Variants in KNTC1 observed in about 807,000 individuals in gnomAD.
KNTC1 encodes the protein kinetochore associated 1, also known as kinetochore-associated protein 1.
In KNTC1, 253 loss-of-function variants were observed where a neutral mutation model predicts 314.4. That is an observed-to-expected ratio of 0.80 (90% CI 0.73 to 0.89). KNTC1 has a LOEUF of 0.89. Ranked by LOEUF, KNTC1 falls within the 40% of genes least tolerant of loss-of-function variation. The probability of loss-of-function intolerance (pLI) is 0.00; values close to 1 mark genes in which losing one functional copy is unlikely to be tolerated. For missense variants in KNTC1, 2,475 were observed against 2,572.9 expected, an observed-to-expected ratio of 0.96 and a Z score of 0.82; for synonymous variants, 901 against 901.4, an observed-to-expected ratio of 1.00 and a Z score of 0.01.
chr12:122,541,048 G>A (rs929421220), intron 5 of KNTC1, among the ~76,000 whole-genome samples: 2 of 151,988 alleles, frequency 1.3e-5, no homozygotes, highest in African/African-American at 4.8e-5. Context: ...GTGTGTGTCT[G>A]TAGTCCCACT....
chr12:122,568,579 A>G (rs1438306977), intron 21 of KNTC1, among the ~76,000 whole-genome samples: 2 of 152,190 alleles, frequency 1.3e-5, no homozygotes, highest in Non-Finnish European at 2.9e-5. Flanking sequence ...GCTCACGCCT[A>G]TAATCCCAGC....
At position 122,580,635 on chromosome 12, in the gene KNTC1, A is replaced by C. The variant is rs1419743292; in HGVS notation, c.2947A>C (p.Met983Leu). Residue 983 changes from methionine to leucine, a missense_variant, in exon 33 of 64, where the codon ATG (methionine) becomes CTG (leucine). By Grantham distance (15) the Met-to-Leu change is conservative. Transcript: ENST00000333479. ...NLQKKDECEE[M>L]LKLFKEVASL... is the part of the protein sequence containing the mutation. The stretch of plus-strand genomic sequence containing the variant: ...GCAGAAGAAGGACGAATGTGAAGAA[A>C]TGTTGAAACTATTTAAAGAGGTTGC... The C allele has an allele frequency of 6.3e-7, 1 of 1,575,158 alleles. No individual in the cohort carries two copies. Among genetic ancestry groups the C allele is most frequent in the Middle Eastern group, 1.7e-4 (1 of 6,006 alleles).
chr12:122,546,434 A>G (rs1962771012), intron 9 of KNTC1, among the ~76,000 whole-genome samples, 165 bp downstream of exon 9: 1 of 152,240 alleles, frequency 6.6e-6, no homozygotes, highest in East Asian at 1.9e-4. Context: ...GACATGTTAC[A>G]GTTGTTACTC....
chr12:122,583,981 C>T (rs1159812817), intron 34 of KNTC1, among the ~76,000 whole-genome samples: 1 of 152,018 alleles, frequency 6.6e-6, no homozygotes, highest in African/African-American at 2.4e-5. Context: ...AAAAATTAGC[C>T]AAGTGTGGTG....
chr12:122,536,582 C>T (rs1472390072), intron 3 of KNTC1, among the ~76,000 whole-genome samples: 2 of 145,228 alleles, frequency 1.4e-5, no homozygotes. Context: ...TGCAGTGGTG[C>T]TCTCTCAGCT....
intron 46 of KNTC1, 28 bp from the exon 47 acceptor site, chr12:122,602,801 A>G: frequency 6.2e-7 from 1 of 1,611,868 alleles, no homozygotes; most frequent in South Asian, 1.1e-5. Flanking sequence ...TTCTTAAGCA[A>G]ATCGTACTTT....
intron 43 of KNTC1, among the ~76,000 whole-genome samples, chr12:122,596,714 T>C (rs981265092): frequency 7.2e-5 from 11 of 151,978 alleles, no homozygotes; most frequent in Non-Finnish European, 1.6e-4. Context: ...TTGTGGCGCA[T>C]GCTTGTAGTT....
intron 20 of KNTC1, among the ~76,000 whole-genome samples, chr12:122,565,067 T>C (rs1264551790): frequency 1.3e-5 from 2 of 152,144 alleles, no homozygotes; most frequent in African/African-American, 4.8e-5. Flanking sequence ...TCACCAACAG[T>C]ATGTTATAGA....
chr12:122,576,366 G>T (rs1458704306), intron 29 of KNTC1, among the ~76,000 whole-genome samples: 2 of 152,058 alleles, frequency 1.3e-5, no homozygotes, highest in South Asian at 2.1e-4. Context: ...ACCGCTCCTG[G>T]GCTTTTTATG....
chr12:122,613,015 A>T, intron 53 of KNTC1, 97 bp from the exon 54 acceptor site: 1 of 718,596 alleles, frequency 1.4e-6, no homozygotes, highest in Admixed American at 2.3e-5. Flanking sequence ...TTTACATTTT[A>T]AAATAATGAC....
intron 55 of KNTC1, 85 bp from the exon 56 acceptor site, chr12:122,614,906 G>A: frequency 1.2e-6 from 1 of 838,610 alleles, no homozygotes; most frequent in South Asian, 1.6e-5. Flanking sequence ...AGCATATTTT[G>A]TATTAAGCTG....
intron 16 of KNTC1, among the ~76,000 whole-genome samples, chr12:122,556,349 T>G (rs1963591276): frequency 6.6e-6 from 1 of 151,988 alleles, no homozygotes; most frequent in Non-Finnish European, 1.5e-5. Flanking sequence ...ACATTATTAC[T>G]AACTACAGTC....
In KNTC1 at chr12:122,544,089, C is replaced by T. The variant is rs550062200; in HGVS notation, c.559-70C>T. The T allele has an allele frequency of 2.2e-5, 14 of 635,752 alleles. No individual in the cohort carries two copies. The African/African-American group carries it at 2.5e-4, about 11-fold the overall frequency. The allele number at this position is 635,752 out of a possible 1,614,324, so 39.4% of individuals were successfully genotyped here. A position where few individuals can be genotyped will look rare whatever the true frequency, so the allele number is the denominator to read the frequency against. ...AAAATTTATAACTGATTGATATCAA[C>T]TGATTTTAGTGATTTTATGGAGCAT... is the stretch of plus-strand genomic sequence containing the variant. On this transcript the variant is annotated intron_variant, in intron 7 of 63. Coordinates refer to ENST00000333479, the MANE Select transcript of KNTC1 (RefSeq NM_014708.6).
chr12:122,611,012 G>T (rs997816292), intron 53 of KNTC1, 112 bp downstream of exon 53: 1 of 743,300 alleles, frequency 1.3e-6, no homozygotes, highest in African/African-American at 1.7e-5. Context: ...TAATGCTCAC[G>T]TACATATGTA....
chr12:122,624,349 G>A (rs1223929948), intron 62 of KNTC1, among the ~76,000 whole-genome samples: 1 of 151,954 alleles, frequency 6.6e-6, no homozygotes, highest in Non-Finnish European at 1.5e-5. Flanking sequence ...GCTCACTGCT[G>A]CCCCAACCTC....
intron 26 of KNTC1, 54 bp from the exon 27 acceptor site, chr12:122,574,228 T>C (rs946653210): frequency 9.3e-7 from 1 of 1,071,370 alleles, no homozygotes; most frequent in African/African-American, 1.6e-5. Context: ...ATGTGGCATT[T>C]TTTTAATGAG....
intron 32 of KNTC1, among the ~76,000 whole-genome samples, 191 bp downstream of exon 32, chr12:122,580,168 G>A (rs748373044): frequency 6.6e-6 from 1 of 152,160 alleles, no homozygotes; most frequent in Non-Finnish European, 1.5e-5. Context: ...ACAGATGCAT[G>A]CAAAATCAAC....
At chr12:122,538,097 C>T (rs761895152) in intron 3 of KNTC1, among the ~76,000 whole-genome samples, 3 of 152,104 alleles carry the variant, frequency 2.0e-5, no homozygotes, top group Non-Finnish European at 4.4e-5. Flanking sequence ...GGGGTGGTAC[C>T]ACTGCACTCC....
intron 51 of KNTC1, among the ~76,000 whole-genome samples, chr12:122,606,332 C>G (rs1033331336): frequency 6.6e-6 from 1 of 151,154 alleles, no homozygotes; most frequent in Non-Finnish European, 1.5e-5. Context: ...ATTCTCCCTC[C>G]TCAGCTTCCC....
Sources: allele counts gnomAD v4.1 joint callset (sites outside exome capture counted in the v4.1 genomes callset), GRCh38; gene constraint gnomAD v4.1.1; transcripts MANE v1.5; gene names NCBI Gene and HGNC (gene_info 2026-07-23, HGNC 2026-07-21).